EXD3: variants seen among roughly 807,000 people sequenced by gnomAD.
EXD3 encodes exonuclease mut-7 homolog.
Under a neutral mutation model 98.0 loss-of-function variants are expected in EXD3, and 92 were observed. That is an observed-to-expected ratio of 0.94 (90% confidence interval 0.79 to 1.12). EXD3 has a LOEUF of 1.12. Ranked by LOEUF, EXD3 falls within the 50% of genes most tolerant of loss-of-function variation. The probability of loss-of-function intolerance (pLI) is 0.00; values close to 1 mark genes in which losing one functional copy is unlikely to be tolerated. For missense variants in EXD3, 1,222 were observed against 1,191.6 expected, an observed-to-expected ratio of 1.03 and a Z score of -0.38; for synonymous variants, 569 against 526.0, an observed-to-expected ratio of 1.08 and a Z score of -1.12.
At chr9:137,417,195 A>C (rs1838276237) in intron 1 of EXD3, among the ~76,000 whole-genome samples, 1 of 152,158 alleles carries the variant, frequency 6.6e-6, no homozygotes. Context: ...GGTGGGAGAC[A>C]CACGGGTCTG....
chr9:137,417,300 G>A (rs1210487884), intron 1 of EXD3, among the ~76,000 whole-genome samples: 4 of 152,200 alleles, frequency 2.6e-5, no homozygotes, highest in African/African-American at 7.2e-5. Context: ...TGGGAAAGGC[G>A]GCGGGTGGTG....
chr9:137,363,025 G>A (rs1470984039), intron 7 of EXD3, among the ~76,000 whole-genome samples: 4 of 151,968 alleles, frequency 2.6e-5, no homozygotes, highest in Non-Finnish European at 5.9e-5. Context: ...TGGCCAGGCT[G>A]GTCTTGAACT....
intron 3 of EXD3, chr9:137,374,904 ATCTAGCTCTAGTGAGT>A: frequency 1.0e-6 from 1 of 967,064 alleles, no homozygotes; most frequent in Non-Finnish European, 1.2e-6. Context: ...CCCTAGTGAG[ATCTAGCTCTAGTGAGT>A]TCTAACTCTA....
At chr9:137,329,910 C>G (rs1250316733) in intron 17 of EXD3, among the ~76,000 whole-genome samples, 1 of 106,674 alleles carries the variant, frequency 9.4e-6, no homozygotes, top group Non-Finnish European at 1.8e-5. Flanking sequence ...CTACACGGGA[C>G]TACACAGGAC....
chr9:137,350,119 G>A (rs34849566), intron 14 of EXD3, among the ~76,000 whole-genome samples: 3 of 75,492 alleles, frequency 4.0e-5, no homozygotes, highest in Non-Finnish European at 7.6e-5. Context: ...ATCACGGGGA[G>A]GGTTCTAGAT....
intron 17 of EXD3, among the ~76,000 whole-genome samples, chr9:137,345,185 A>AT (rs1388654063): frequency 6.6e-6 from 1 of 152,280 alleles, no homozygotes; most frequent in Non-Finnish European, 1.5e-5. Flanking sequence ...TTGTCAGGAC[A>AT]TTCTCCTCAC....
chr9:137,408,502 G>A (rs997832331), intron 1 of EXD3, among the ~76,000 whole-genome samples: 11 of 138,066 alleles, frequency 8.0e-5, no homozygotes, highest in Middle Eastern at 4.5e-3. Flanking sequence ...AGCCGAGATC[G>A]CACCACTACA....
Position 137,349,879 on chromosome 9 carries a change from C to A in EXD3, c.1495-348G>T, listed in dbSNP as rs528065665. On this transcript the variant is annotated intron_variant, in intron 14 of 21. Coordinates refer to ENST00000340951, the MANE Select transcript of EXD3 (RefSeq NM_017820.5). This position sits in a 1 kb window ranked among gnomAD's most constrained non-coding sequence, Gnocchi z 7.4. ...TTCAGAAGAGGAGCACTGGGTGTGC[C>A]GTGCATAAAACAGCAGAAACGCAGA... Among the ~76,000 whole-genome samples, 1 of 152,140 alleles carries A rather than the reference C, an allele frequency of 6.6e-6. No individual in the cohort carries two copies. Among genetic ancestry groups the A allele is most frequent in the African/African-American group, 2.4e-5 (1 of 41,496 alleles).
intron 1 of EXD3, among the ~76,000 whole-genome samples, chr9:137,400,086 A>T (rs1837409030): frequency 6.6e-6 from 1 of 152,112 alleles, no homozygotes; most frequent in South Asian, 2.1e-4. Context: ...ACCTCTGATA[A>T]ACCCGTCAGA....
intron 17 of EXD3, among the ~76,000 whole-genome samples, chr9:137,325,218 C>T (rs1832327577): frequency 6.6e-6 from 1 of 152,138 alleles, no homozygotes; most frequent in Admixed American, 6.5e-5. Context: ...GGAGAAATGA[C>T]TGATTCCAGA....
At chr9:137,410,596 G>T (rs1486430932) in intron 1 of EXD3, among the ~76,000 whole-genome samples, 1 of 151,992 alleles carries the variant, frequency 6.6e-6, no homozygotes, top group Non-Finnish European at 1.5e-5. Flanking sequence ...ACCACAGAAC[G>T]TTGGGTTCTG....
intron 3 of EXD3, among the ~76,000 whole-genome samples, chr9:137,380,683 C>T (rs1316824373): frequency 5.0e-5 from 4 of 79,802 alleles, no homozygotes; most frequent in Non-Finnish European, 7.3e-5. Flanking sequence ...CCCCCCCAAT[C>T]CCCCCGCCGG....
At position 137,361,745 on chromosome 9, in the gene EXD3, T is replaced by TAA. The variant is rs200008533; in HGVS notation, c.656+4746_656+4747dup. On this transcript the variant is annotated intron_variant, in intron 7 of 21. Coordinates refer to ENST00000340951, the MANE Select transcript of EXD3 (RefSeq NM_017820.5). ...TGGGCGACAGGGCGAGACTCTGTCT[T>TAA]AAAAAAAAAAAAAAAAAAATTACCA... Among the ~76,000 whole-genome samples the TAA allele has an allele frequency of 1.7e-3, 213 of 124,356 alleles. 1 individual carries two copies. The Middle Eastern group carries it at 0.025, about 15-fold the overall frequency. 81.6% of individuals were successfully genotyped at this position (124,356 alleles called of 152,430 possible). A position where few individuals can be genotyped will look rare whatever the true frequency, so the allele number is the denominator to read the frequency against.
chr9:137,329,582 C>T (rs1169533245), intron 17 of EXD3, among the ~76,000 whole-genome samples: 1 of 24,348 alleles, frequency 4.1e-5, no homozygotes, highest in Non-Finnish European at 7.5e-5. Context: ...CGGGGCTACA[C>T]GGGACTACAC....
chr9:137,416,604 C>T (rs935441701), intron 1 of EXD3, among the ~76,000 whole-genome samples: 1 of 152,076 alleles, frequency 6.6e-6, no homozygotes, highest in South Asian at 2.1e-4. Flanking sequence ...CCACCCAGGA[C>T]CCTAACACGT....
rs892105259 is a variant in EXD3, at chr9:137,374,612, A to G, written c.121-1013T>C. The G allele has an allele frequency of 1.4e-5, 14 of 985,286 alleles. No individual in the cohort carries two copies. In the African/African-American group the frequency reaches 1.7e-4, roughly 12 times the overall value. The allele number at this position is 985,286 out of a possible 1,614,324, so 61.0% of individuals were successfully genotyped here. A position where few individuals can be genotyped will look rare whatever the true frequency, so the allele number is the denominator to read the frequency against. On this transcript the variant is annotated intron_variant, in intron 3 of 21. Transcript: ENST00000340951. The stretch of plus-strand genomic sequence containing the variant: ...AGGAACAGCCGTGGAGCACACGCAC[A>G]TGAGTGTGTGAGGAGACCTCAGCGC...
intron 7 of EXD3, among the ~76,000 whole-genome samples, chr9:137,358,466 C>T (rs893724076): frequency 6.6e-6 from 1 of 152,150 alleles, no homozygotes; most frequent in Non-Finnish European, 1.5e-5. Context: ...ACTTCCTGTG[C>T]CTCCCGGGGG....
intron 1 of EXD3, among the ~76,000 whole-genome samples, chr9:137,420,768 A>C (rs1838478545): frequency 7.6e-6 from 1 of 131,622 alleles, no homozygotes; most frequent in Non-Finnish European, 1.6e-5. Context: ...CAGGTATTAT[A>C]CATACACTGT....
chr9:137,383,228 G>T, intron 3 of EXD3, 85 bp downstream of exon 3: 1 of 1,141,852 alleles, frequency 8.8e-7, no homozygotes, highest in Non-Finnish European at 1.3e-6. Flanking sequence ...CCTGACCAGG[G>T]AGGCCTCCTG....
Sources: gnomAD v4.1 joint callset for allele counts (sites outside exome capture counted in the v4.1 genomes callset) on GRCh38, gnomAD v4.1.1 for gene constraint, Gnocchi (gnomAD v3.1) non-coding constraint, MANE v1.5 for transcripts, NCBI Gene and HGNC (gene_info 2026-07-23, HGNC 2026-07-21) for gene names.